EDEM1: variants seen among roughly 807,000 people sequenced by gnomAD.
The protein encoded by EDEM1 is ER degradation enhancing alpha-mannosidase like protein 1, also known as ER degradation-enhancing alpha-mannosidase-like protein 1.
In EDEM1, 67 loss-of-function variants were observed where a neutral mutation model predicts 74.4. That is an observed-to-expected ratio of 0.90 (90% CI 0.74 to 1.10). The LOEUF (loss-of-function observed/expected upper bound fraction) is 1.10, where lower values mean the gene tolerates loss of function less well. Ranked by LOEUF, EDEM1 falls within the 50% of genes least tolerant of loss-of-function variation. The pLI is 0.00. For missense variants in EDEM1, 926 were observed against 851.6 expected (o/e 1.09, Z -1.09); for synonymous variants, 382 against 335.9 (o/e 1.14, Z -1.50).
chr3:5,206,924 A>G (rs899426993), intron 6 of EDEM1, among the ~76,000 whole-genome samples: 1 of 152,230 alleles, frequency 6.6e-6, no homozygotes, highest in African/African-American at 2.4e-5. Context: ...AAATCCTGAC[A>G]TATTACAATG....
Position 5,195,256 on chromosome 3 carries a change from T to C in EDEM1, c.557T>C (p.Leu186Pro). 6.4e-7 allele frequency: 1 copy of C among 1,571,586 alleles called. No homozygotes were observed. Among genetic ancestry groups the C allele is most frequent in the Non-Finnish European group, 8.6e-7 (1 of 1,159,198 alleles). Reference sequence around the variant, plus strand: ...GTACTAGGGAACTACTCATTGACTCTTGTTGATGCATTGGATACACTTGCA... The same window carrying C: ...GTACTAGGGAACTACTCATTGACTCCTGTTGATGCATTGGATACACTTGCA... ...NDVLGNYSLT[L>P]VDALDTLAIM... Residue 186 changes from leucine (L) to proline (P), a missense_variant, in exon 2 of 12, where the codon CTT becomes CCT. Coordinates refer to ENST00000256497, the MANE Select transcript of EDEM1 (RefSeq NM_014674.3).
At position 5,202,972 on chromosome 3, in the gene EDEM1, C is replaced by A. The variant is rs1310955979; in HGVS notation, c.865C>A (p.Leu289Ile). 2 of 1,613,136 alleles carry A rather than the reference C, an allele frequency of 1.2e-6. No individual in the cohort carries two copies. Among genetic ancestry groups the A allele is most frequent in the Non-Finnish European group, 8.5e-7 (1 of 1,179,612 alleles). ...KTGIPYPRVN[L>I]KTGVPPDTNN... ...TGTCTGTTCCCATCCCCAGGTGAAT[C>A]TAAAGACAGGAGTTCCTCCTGACAC... The change falls in exon 5 of 12, where the codon CTA (leucine) becomes ATA (isoleucine). Residue 289 changes from leucine to isoleucine, a missense_variant. By Grantham distance (5) the Leu-to-Ile change is conservative (BLOSUM62 2). Coordinates refer to ENST00000256497, the MANE Select transcript of EDEM1 (RefSeq NM_014674.3).
intron 3 of EDEM1, 59 bp downstream of exon 3, chr3:5,199,754 A>T (rs942914187): frequency 1.4e-6 from 2 of 1,457,112 alleles, no homozygotes; most frequent in Non-Finnish European, 1.9e-6. Context: ...GTTTAAAGAA[A>T]AAAATACCTT....
Position 5,219,794 on chromosome 3 carries a change from G to A in EDEM1, c.*3876G>A, listed in dbSNP as rs970732658. ...TGCAATATGCTTTGCAACTGTAGAT[G>A]ATATTTTATGTTTAATCTGTAAATA... On this transcript the variant is annotated 3_prime_UTR_variant, in exon 12 of 12. Coordinates refer to ENST00000256497, the MANE Select transcript of EDEM1 (RefSeq NM_014674.3). The A allele has an allele frequency of 6.6e-6, 1 of 152,596 alleles. No individual in the cohort carries two copies. The highest frequency in any genetic ancestry group is 2.4e-5 in the African/African-American group (1 of 41,448). 9.5% of individuals were successfully genotyped at this position (152,596 alleles called of 1,614,324 possible).
At chr3:5,207,086 G>A in intron 6 of EDEM1, 67 bp from the exon 7 acceptor site, 1 of 1,583,176 alleles carries the variant, frequency 6.3e-7, no homozygotes, top group East Asian at 2.2e-5. Flanking sequence ...ACCAGCAGCT[G>A]CTGGAGAGGT....
chr3:5,192,191 G>T (rs2054910073), intron 1 of EDEM1, among the ~76,000 whole-genome samples: 1 of 152,108 alleles, frequency 6.6e-6, no homozygotes, highest in African/African-American at 2.4e-5. Flanking sequence ...TTTGAGCTGC[G>T]ATTCTACATT....
intron 5 of EDEM1, among the ~76,000 whole-genome samples, chr3:5,203,489 T>G (rs1028681311): frequency 2.0e-5 from 3 of 152,214 alleles, no homozygotes; most frequent in African/African-American, 7.2e-5. Context: ...AATTTAGAGT[T>G]ACTGATGGAG....
rs1286489840 is a variant in EDEM1 at position 5,199,707 on chromosome 3, A to C, written c.686+12A>C. 6.3e-7 allele frequency: 1 copy of C among 1,594,860 alleles called. No homozygotes were observed. ...GAGGCCACGATAAGGTAAAATAATG[A>C]ATATTCATAAAATGAATTGGAGACT... is the stretch of plus-strand genomic sequence containing the variant. On this transcript the variant is annotated intron_variant, in intron 3 of 11. Coordinates refer to ENST00000256497, the MANE Select transcript of EDEM1 (RefSeq NM_014674.3).
chr3:5,204,630 G>A (rs1203518756), intron 5 of EDEM1, among the ~76,000 whole-genome samples: 1 of 152,116 alleles, frequency 6.6e-6, no homozygotes, highest in Non-Finnish European at 1.5e-5. Flanking sequence ...GAGCTCAAGC[G>A]ATCCACCTGC....
chr3:5,196,103 CT>C (rs1559294474), intron 2 of EDEM1, among the ~76,000 whole-genome samples: 1 of 152,146 alleles, frequency 6.6e-6, no homozygotes, highest in African/African-American at 2.4e-5. Context: ...AAATGTTGTA[CT>C]TTTATTTATT....
intron 5 of EDEM1, 91 bp from the exon 6 acceptor site, chr3:5,204,976 G>A: frequency 7.2e-7 from 1 of 1,397,006 alleles, no homozygotes; most frequent in South Asian, 1.3e-5. Flanking sequence ...AGGTGCTGAG[G>A]AGCAGTGTGG....
In EDEM1 at chr3:5,205,890, G is replaced by A. The variant is rs145285135; in HGVS notation, c.1217+649G>A. Among the ~76,000 whole-genome samples, 208 of 152,166 alleles carry A rather than the reference G, an allele frequency of 1.4e-3. 1 individual carries two copies. Among genetic ancestry groups the A allele is most frequent in the African/African-American group, 4.9e-3 (203 of 41,516 alleles). On this transcript the variant is annotated intron_variant, in intron 6 of 11. Coordinates refer to ENST00000256497, the MANE Select transcript of EDEM1 (RefSeq NM_014674.3). ...GCTGTGCAAGCGTGTGGCTCGCACG[G>A]ATGGAGGTTCTCGGGGGCCGTCTTA...
chr3:5,199,764 T>C (rs1463189062), intron 3 of EDEM1, 69 bp downstream of exon 3: 1 of 1,345,306 alleles, frequency 7.4e-7, no homozygotes, highest in Non-Finnish European at 1.0e-6. Context: ...AAAAATACCT[T>C]TGAGGGTCTT....
chr3:5,199,928 A>G (rs1014992933), intron 3 of EDEM1, among the ~76,000 whole-genome samples: 4 of 151,070 alleles, frequency 2.6e-5, no homozygotes, highest in Non-Finnish European at 4.4e-5. Flanking sequence ...TTTTGTTTTT[A>G]TAGATTAAAC....
chr3:5,193,469 A>G (rs1331163988), intron 1 of EDEM1, among the ~76,000 whole-genome samples: 1 of 152,226 alleles, frequency 6.6e-6, no homozygotes, highest in Non-Finnish European at 1.5e-5. Flanking sequence ...GAAAATCAAC[A>G]AATAGAAAAA....
Position 5,197,064 on chromosome 3 carries a change from C to CT in EDEM1, c.582+1801dup, listed in dbSNP as rs34982467. On this transcript the variant is annotated intron_variant, in intron 2 of 11. Coordinates refer to ENST00000256497, the MANE Select transcript of EDEM1 (RefSeq NM_014674.3). ...CTGCCTCAGCCTCCCGAGTAGCTGG[C>CT]TTTTTTTTTTTTTTTTTTCCCCATT... Among the ~76,000 whole-genome samples the CT allele has an allele frequency of 1.0e-3, 117 of 115,618 alleles. 2 individuals carry two copies. The East Asian group carries it at 0.018, about 18-fold the overall frequency. The allele number at this position is 115,618 out of a possible 152,430, so 75.8% of individuals were successfully genotyped here.
At chr3:5,209,546 G>A (rs1329504197) in intron 8 of EDEM1, among the ~76,000 whole-genome samples, 2 of 152,128 alleles carry the variant, frequency 1.3e-5, no homozygotes, top group African/African-American at 4.8e-5. Flanking sequence ...CTGCAATCTG[G>A]CACTAGGCAT....
intron 2 of EDEM1, among the ~76,000 whole-genome samples, chr3:5,198,725 C>G (rs1416347284): frequency 7.4e-6 from 1 of 134,384 alleles, no homozygotes; most frequent in Non-Finnish European, 1.5e-5. Context: ...AAATGGGAGG[C>G]AGGTTTGCCT....
intron 1 of EDEM1, chr3:5,188,585 A>T (rs558609421): frequency 2.7e-6 from 1 of 367,360 alleles, no homozygotes; most frequent in Admixed American, 4.7e-5. Flanking sequence ...GCGTGAGGAT[A>T]CTGAGGTCCA....
Sources: allele counts gnomAD v4.1 joint callset (sites outside exome capture counted in the v4.1 genomes callset), GRCh38; gene constraint gnomAD v4.1.1; transcripts MANE v1.5; gene names NCBI Gene and HGNC (gene_info 2026-07-23, HGNC 2026-07-21).